Variants in DMD observed in about 807,000 individuals in gnomAD.
The protein encoded by DMD is dystrophin, also known as mutant dystrophin.
A neutral mutation model predicts 330.1 loss-of-function variants in DMD; 63 were observed. The ratio of observed to expected loss-of-function variants is 0.19; its 90% CI spans 0.16 to 0.24. The LOEUF is 0.24. Ranked by LOEUF, DMD falls within the 10% of genes least tolerant of loss-of-function variation. The pLI is 1.00. For synonymous variants in DMD, 1,223 were observed against 959.8 expected, an observed-to-expected ratio of 1.27 and a Z score of -5.07; for missense variants, 3,344 against 2,684.1, an observed-to-expected ratio of 1.25 and a Z score of -5.43.
intron 22 of DMD, among the ~76,000 whole-genome samples, chrX:32,470,856 T>A (rs1350404188): frequency 8.9e-6 from 1 of 112,584 alleles, no homozygotes; most frequent in Non-Finnish European, 1.9e-5. Context: ...GTGATAAAGT[T>A]TAAATTTGAA....
At chrX:31,616,857 TCTACAGAC>T (rs146060098) in intron 55 of DMD, among the ~76,000 whole-genome samples, 20,460 of 110,564 alleles carry the variant, frequency 0.19, 1,706 homozygotes, top group Middle Eastern at 0.29. Context: ...GGAGGCAGAA[TCTACAGAC>T]CTTAAAAATG....
At chrX:32,445,347 A>G (rs1456174144) in intron 27 of DMD, among the ~76,000 whole-genome samples, 3 of 110,418 alleles carry the variant, frequency 2.7e-5, no homozygotes, top group African/African-American at 9.8e-5. Context: ...GAGCAGCAAA[A>G]AAAGGACTTT....
In DMD at chrX:32,472,100, G is replaced by C. The variant is rs1603634295; in HGVS notation, c.2949+64C>G. 6.1e-6 allele frequency: 7 copies of C among 1,141,922 alleles called. No individual in the cohort carries two copies. The East Asian group carries it at 2.1e-4, about 34-fold the overall frequency. 94.1% of individuals were successfully genotyped at this position (1,141,922 alleles called of 1,213,427 possible). ...ACTTAAATTCTAATATTATTTAAAG[G>C]TTATATCAATGTGAATGCTTGATAA... On this transcript the variant is annotated intron_variant, in intron 22 of 78. Coordinates refer to ENST00000357033, the MANE Select transcript of DMD (RefSeq NM_004006.3).
intron 42 of DMD, among the ~76,000 whole-genome samples, chrX:32,296,263 C>T (rs1383815200): frequency 9.1e-6 from 1 of 110,270 alleles, no homozygotes. Context: ...TGGCGGTGGG[C>T]GCCTGTAATC....
intron 55 of DMD, among the ~76,000 whole-genome samples, chrX:31,546,127 G>C (rs973243373): frequency 1.8e-5 from 2 of 112,279 alleles, no homozygotes; most frequent in Non-Finnish European, 3.8e-5. Flanking sequence ...ATTTTCCCGA[G>C]TCTTCTAACG....
intron 47 of DMD, among the ~76,000 whole-genome samples, chrX:31,892,810 T>C (rs1203257519): frequency 1.8e-5 from 2 of 112,178 alleles, no homozygotes; most frequent in Non-Finnish European, 3.8e-5. Context: ...AGTGTATATA[T>C]AGTTTATCAT....
At position 33,078,351 on chromosome X, in the gene DMD, T is replaced by A. The variant is rs775965628; in HGVS notation, c.32-58151A>T. 3.6e-5 allele frequency among the ~76,000 whole-genome samples: 4 copies of A among 112,083 alleles called. No homozygotes were observed. In the East Asian group the frequency reaches 1.1e-3, roughly 32 times the overall value. Reference sequence around the variant, plus strand: ...GACCAATTTCTCCAATGGTGTCCTGTTACAAAAGAAAACAGATTCTTATTG... The same window carrying A: ...GACCAATTTCTCCAATGGTGTCCTGATACAAAAGAAAACAGATTCTTATTG... On this transcript the variant is annotated intron_variant, in intron 1 of 78. Transcript: ENST00000357033.
chrX:32,856,534 A>T (rs1476904588), intron 2 of DMD, among the ~76,000 whole-genome samples: 2 of 112,101 alleles, frequency 1.8e-5, no homozygotes, highest in African/African-American at 6.5e-5. Flanking sequence ...ACTGGAATAC[A>T]TTGTATTAAG....
chrX:31,903,204 C>T (rs2094443184), intron 47 of DMD, among the ~76,000 whole-genome samples: 1 of 111,393 alleles, frequency 9.0e-6, no homozygotes, highest in Admixed American at 9.6e-5. Context: ...TAAAAAGTAC[C>T]AATGAGATAT....
At position 31,449,763 on chromosome X, in the gene DMD, G is replaced by GATATATATATAT. The variant is rs59787771; in HGVS notation, c.8938-5148_8938-5137dup. ...TTATGAGTTTATTTATAAATGGTGT[G>GATATATATATAT]ATATATATATATATATATATATATA... On this transcript the variant is annotated intron_variant, in intron 59 of 78. Transcript: ENST00000357033. Among the ~76,000 whole-genome samples, 104 of 62,446 alleles carry GATATATATATAT rather than the reference G, an allele frequency of 1.7e-3. 1 individual carries two copies. The highest frequency in any genetic ancestry group is 2.6e-3 in the Non-Finnish European group (84 of 32,061). The allele number at this position is 62,446 out of a possible 115,157, so 54.2% of individuals were successfully genotyped here.
At chrX:32,350,801 C>A (rs1242004867) in intron 37 of DMD, among the ~76,000 whole-genome samples, 1 of 111,404 alleles carries the variant, frequency 9.0e-6, no homozygotes, top group Non-Finnish European at 1.9e-5. Context: ...TTCTCCTAAT[C>A]TTGCCCCAAA....
At chrX:32,623,595 A>G (rs1443332133) in intron 11 of DMD, among the ~76,000 whole-genome samples, 5 of 106,061 alleles carry the variant, frequency 4.7e-5, no homozygotes, top group East Asian at 6.0e-4. Context: ...TGACACAATC[A>G]TAACTCACTG....
intron 1 of DMD, among the ~76,000 whole-genome samples, chrX:33,322,402 C>A (rs987062096): frequency 9.1e-6 from 1 of 109,558 alleles, no homozygotes; most frequent in African/African-American, 3.3e-5. Flanking sequence ...GTGGGGGTGG[C>A]CGGTTGGTAG....
At chrX:32,503,636 A>G (rs894374749) in intron 18 of DMD, among the ~76,000 whole-genome samples, 3 of 110,846 alleles carry the variant, frequency 2.7e-5, no homozygotes, top group Non-Finnish European at 5.7e-5. Context: ...GCTCACTGCA[A>G]CCTCTGCCTC....
At chrX:32,787,876 T>A (rs1480754460) in intron 7 of DMD, among the ~76,000 whole-genome samples, 1 of 111,384 alleles carries the variant, frequency 9.0e-6, no homozygotes, top group Non-Finnish European at 1.9e-5. Context: ...TACAGGAGTA[T>A]AAAGGGACCA....
intron 44 of DMD, among the ~76,000 whole-genome samples, chrX:32,130,921 A>G (rs1471084583): frequency 8.9e-6 from 1 of 112,217 alleles, no homozygotes; most frequent in Non-Finnish European, 1.9e-5. Flanking sequence ...GCGCTGGCTC[A>G]TGCCCGTAAT....
chrX:33,063,684 A>G (rs748361996), intron 1 of DMD, among the ~76,000 whole-genome samples: 1 of 111,183 alleles, frequency 9.0e-6, no homozygotes, highest in East Asian at 2.9e-4. Flanking sequence ...CCATAGAGGC[A>G]GTTCTTTGCC....
chrX:32,064,019 A>G (rs1468947102), intron 44 of DMD, among the ~76,000 whole-genome samples: 3 of 111,355 alleles, frequency 2.7e-5, no homozygotes, highest in Admixed American at 9.6e-5. Context: ...AGTGGATACT[A>G]TTACAAAGCT....
At chrX:32,450,619 T>C (rs1054207434) in intron 26 of DMD, among the ~76,000 whole-genome samples, 5 of 110,598 alleles carry the variant, frequency 4.5e-5, no homozygotes, top group African/African-American at 1.6e-4. Flanking sequence ...TACCTCTATA[T>C]TGGACATTAG....
Sources: allele counts gnomAD v4.1 joint callset (sites outside exome capture counted in the v4.1 genomes callset), GRCh38; gene constraint gnomAD v4.1.1; transcripts MANE v1.5; gene names NCBI Gene and HGNC (gene_info 2026-07-23, HGNC 2026-07-21).